DLGAP1: variants seen among roughly 807,000 people sequenced by gnomAD.
DLGAP1 encodes DLG associated protein 1.
A neutral mutation model predicts 90.8 loss-of-function variants in DLGAP1; 11 were observed. That is an observed-to-expected ratio of 0.12 (90% CI 0.08 to 0.20). DLGAP1 has a LOEUF of 0.20. Ranked by LOEUF, DLGAP1 falls within the 10% of genes least tolerant of loss-of-function variation. The pLI is 1.00. For synonymous variants in DLGAP1, 558 were observed against 540.7 expected, an observed-to-expected ratio of 1.03 and a Z score of -0.44; for missense variants, 1,050 against 1,333.8, an observed-to-expected ratio of 0.79 and a Z score of 3.31.
intron 3 of DLGAP1, among the ~76,000 whole-genome samples, chr18:3,970,538 T>G (rs2073424023): frequency 6.6e-6 from 1 of 152,176 alleles, no homozygotes; most frequent in African/African-American, 2.4e-5. Context: ...AATAGAAATG[T>G]GTGGGACATG....
At chr18:4,152,051 G>C (rs2076683240) in intron 1 of DLGAP1, among the ~76,000 whole-genome samples, 1 of 152,176 alleles carries the variant, frequency 6.6e-6, no homozygotes, top group Non-Finnish European at 1.5e-5. Context: ...CACTTATGAA[G>C]GAGGTAACTA....
intron 7 of DLGAP1, among the ~76,000 whole-genome samples, chr18:3,658,067 T>G (rs1210252382): frequency 6.6e-6 from 1 of 152,188 alleles, no homozygotes; most frequent in Non-Finnish European, 1.5e-5. Flanking sequence ...TTTTATTAAA[T>G]AAGCCTCTTT....
intron 5 of DLGAP1, among the ~76,000 whole-genome samples, chr18:3,807,749 C>G (rs895008304): frequency 1.5e-4 from 23 of 152,324 alleles, no homozygotes; most frequent in African/African-American, 5.5e-4. Context: ...TCTCCCTCCC[C>G]CAATCCCTGA....
chr18:3,873,491 C>T (rs1223493996), intron 4 of DLGAP1, among the ~76,000 whole-genome samples: 1 of 152,102 alleles, frequency 6.6e-6, no homozygotes, highest in Non-Finnish European at 1.5e-5. Context: ...AGAAACATCC[C>T]AGTAGCCAAA....
At chr18:3,693,507 C>T (rs1444676710) in intron 7 of DLGAP1, among the ~76,000 whole-genome samples, 1 of 152,184 alleles carries the variant, frequency 6.6e-6, no homozygotes, top group East Asian at 1.9e-4. Flanking sequence ...TGTTAGAAAA[C>T]GGATATTAAT....
At chr18:4,062,943 C>G (rs1222808322) in intron 2 of DLGAP1, among the ~76,000 whole-genome samples, 1 of 152,066 alleles carries the variant, frequency 6.6e-6, no homozygotes, top group African/African-American at 2.4e-5. Flanking sequence ...ATACCATTCT[C>G]TCAATATTAA....
intron 9 of DLGAP1, among the ~76,000 whole-genome samples, chr18:3,560,495 C>T (rs1568196420): frequency 7.1e-6 from 1 of 141,354 alleles, no homozygotes; most frequent in East Asian, 2.0e-4. Flanking sequence ...GAGGCTGATG[C>T]AGGAGAATTT....
At chr18:4,291,545 TATACATAC>T (rs201623485) in intron 1 of DLGAP1, among the ~76,000 whole-genome samples, 4 of 152,088 alleles carry the variant, frequency 2.6e-5, no homozygotes, top group African/African-American at 9.7e-5. Flanking sequence ...TGGATTATTT[TATACATAC>T]ATACATACAT....
At chr18:3,794,673 A>T (rs1214378584) in intron 5 of DLGAP1, among the ~76,000 whole-genome samples, 1 of 152,248 alleles carries the variant, frequency 6.6e-6, no homozygotes, top group Non-Finnish European at 1.5e-5. Flanking sequence ...GTAGCCACAA[A>T]GGTGTGACTT....
intron 2 of DLGAP1, among the ~76,000 whole-genome samples, chr18:4,087,547 A>G (rs1297853606): frequency 6.6e-6 from 1 of 152,132 alleles, no homozygotes; most frequent in Non-Finnish European, 1.5e-5. Flanking sequence ...CTTGCTGTCA[A>G]TAAATATGTG....
At chr18:3,717,104 C>A (rs1407220415) in intron 7 of DLGAP1, among the ~76,000 whole-genome samples, 3 of 140,358 alleles carry the variant, frequency 2.1e-5, no homozygotes, top group Non-Finnish European at 4.5e-5. Flanking sequence ...ATCCCAGCAG[C>A]TTTATACTAT....
intron 1 of DLGAP1, among the ~76,000 whole-genome samples, chr18:4,259,954 T>A (rs2078971411): frequency 1.3e-5 from 2 of 152,170 alleles, no homozygotes; most frequent in African/African-American, 4.8e-5. Context: ...AAGATTCTAG[T>A]CTATAATATG....
intron 1 of DLGAP1, among the ~76,000 whole-genome samples, chr18:4,180,623 T>A (rs1368084303): frequency 1.3e-5 from 2 of 152,168 alleles, no homozygotes; most frequent in Admixed American, 6.6e-5. Flanking sequence ...AAAGTTTCAA[T>A]ACTAGTACAA....
chr18:3,613,587 C>T (rs1410257077), intron 7 of DLGAP1, among the ~76,000 whole-genome samples: 1 of 152,192 alleles, frequency 6.6e-6, no homozygotes, highest in Non-Finnish European at 1.5e-5. Flanking sequence ...CATCCTCCCA[C>T]TTCCTCTCTA....
At chr18:4,124,567 C>G (rs1359361229) in intron 2 of DLGAP1, among the ~76,000 whole-genome samples, 2 of 152,190 alleles carry the variant, frequency 1.3e-5, no homozygotes, top group East Asian at 3.9e-4. Flanking sequence ...ACTATCAGCT[C>G]AATTTGAAAC....
At chr18:4,217,475 T>C (rs1453378850) in intron 1 of DLGAP1, among the ~76,000 whole-genome samples, 1 of 152,098 alleles carries the variant, frequency 6.6e-6, no homozygotes, top group Non-Finnish European at 1.5e-5. Context: ...ATTTCACATT[T>C]CCACCAGCAA....
At chr18:3,826,395 CTG>C (rs1016532014) in intron 4 of DLGAP1, among the ~76,000 whole-genome samples, 31 of 152,232 alleles carry the variant, frequency 2.0e-4, no homozygotes, top group East Asian at 9.6e-4. Context: ...AGGGGGAAGA[CTG>C]TGTGGAGGAG....
intron 5 of DLGAP1, among the ~76,000 whole-genome samples, chr18:3,765,232 A>G (rs28607550): frequency 0.037 from 5,353 of 146,124 alleles, 229 homozygotes; most frequent in African/African-American, 0.098. Flanking sequence ...CCGGGTTCAC[A>G]CCATTCTTCT....
At chr18:3,599,575 T>A (rs1199328633) in intron 7 of DLGAP1, among the ~76,000 whole-genome samples, 1 of 152,070 alleles carries the variant, frequency 6.6e-6, no homozygotes, top group Non-Finnish European at 1.5e-5. Flanking sequence ...GCGTGCAAGG[T>A]TTCACGTCTT....
Sources: gnomAD v4.1 joint callset for allele counts (sites outside exome capture counted in the v4.1 genomes callset) on GRCh38, gnomAD v4.1.1 for gene constraint, MANE v1.5 for transcripts, NCBI Gene and HGNC (gene_info 2026-07-23, HGNC 2026-07-21) for gene names.